The following SPPL3 variants were observed in gnomAD, a reference collection of about 807,000 sequenced individuals.
The protein encoded by SPPL3 is signal peptide peptidase-like 3.
In SPPL3, 5 loss-of-function variants were observed where a neutral mutation model predicts 42.4. The observed-to-expected ratio is 0.12, with a 90% CI of 0.06 to 0.25. The LOEUF (loss-of-function observed/expected upper bound fraction) is 0.25, where lower values mean the gene tolerates loss of function less well. Ranked by LOEUF, SPPL3 falls within the 10% of genes least tolerant of loss-of-function variation. The pLI, the probability that SPPL3 is intolerant of heterozygous loss-of-function variation, is 1.00. For synonymous variants in SPPL3, 195 were observed against 181.8 expected, an observed-to-expected ratio of 1.07 and a Z score of -0.58; for missense variants, 235 against 489.0, an observed-to-expected ratio of 0.48 and a Z score of 4.90.
intron 9 of SPPL3, 80 bp from the exon 10 acceptor site, chr12:120,766,452 T>C (rs947736827): frequency 2.7e-6 from 3 of 1,126,958 alleles, no homozygotes; most frequent in Non-Finnish European, 1.3e-6. Context: ...GTCCTGCAAC[T>C]GTACAGATCT....
At chr12:120,802,429 A>ATTTT (rs1386437409) in intron 2 of SPPL3, among the ~76,000 whole-genome samples, 1 of 106,738 alleles carries the variant, frequency 9.4e-6, no homozygotes, top group African/African-American at 6.4e-5. Flanking sequence ...ATATATATAT[A>ATTTT]TATTTTTTTT....
chr12:120,807,350 C>T (rs1005784625), intron 2 of SPPL3, among the ~76,000 whole-genome samples: 2 of 151,590 alleles, frequency 1.3e-5, no homozygotes, highest in African/African-American at 2.4e-5. Context: ...TATATTTTAC[C>T]ACAATAAAAA....
intron 6 of SPPL3, among the ~76,000 whole-genome samples, chr12:120,775,764 C>G (rs1423367928): frequency 6.6e-6 from 1 of 152,160 alleles, no homozygotes; most frequent in Non-Finnish European, 1.5e-5. Flanking sequence ...TAAAACAGCC[C>G]TAGACTTCAG....
intron 1 of SPPL3, among the ~76,000 whole-genome samples, chr12:120,838,490 T>C (rs1871695814): frequency 6.6e-6 from 1 of 152,198 alleles, no homozygotes; most frequent in African/African-American, 2.4e-5. Context: ...TTAAGCCTCC[T>C]GGGAACGCTG....
intron 1 of SPPL3, among the ~76,000 whole-genome samples, chr12:120,832,440 G>A (rs1871455739): frequency 6.6e-6 from 1 of 152,162 alleles, no homozygotes; most frequent in Non-Finnish European, 1.5e-5. Context: ...GGGAGGCCAA[G>A]GTGGGCGGAT....
intron 1 of SPPL3, among the ~76,000 whole-genome samples, chr12:120,841,472 C>T (rs543077312): frequency 5.8e-4 from 89 of 152,184 alleles, no homozygotes; most frequent in Non-Finnish European, 9.4e-4. Context: ...GTCTCCCCAT[C>T]TCAACTCAGT....
chr12:120,885,457 T>C (rs995821404), intron 1 of SPPL3, among the ~76,000 whole-genome samples: 3 of 152,318 alleles, frequency 2.0e-5, no homozygotes, highest in East Asian at 1.9e-4. Context: ...GTTGTTCTCT[T>C]GGTCAGAATA....
chr12:120,813,416 C>T (rs1870754498), intron 1 of SPPL3, among the ~76,000 whole-genome samples: 1 of 150,468 alleles, frequency 6.6e-6, no homozygotes, highest in Middle Eastern at 3.2e-3. Context: ...CTCCTAGGTT[C>T]AAGCAATTTT....
intron 6 of SPPL3, among the ~76,000 whole-genome samples, chr12:120,781,554 C>CTTTT (rs1869539833): frequency 1.4e-5 from 1 of 69,162 alleles, no homozygotes; most frequent in Non-Finnish European, 2.7e-5. Flanking sequence ...CTTATTGTTA[C>CTTTT]GTTTTTTTTT....
intron 1 of SPPL3, among the ~76,000 whole-genome samples, chr12:120,841,524 T>C (rs958866932): frequency 5.9e-5 from 9 of 152,300 alleles, no homozygotes; most frequent in Middle Eastern, 3.4e-3. Context: ...TATGGAAGTA[T>C]GATAAACGAA....
intron 1 of SPPL3, among the ~76,000 whole-genome samples, chr12:120,852,765 T>TTTC: frequency 1.3e-5 from 1 of 76,888 alleles, no homozygotes; most frequent in Admixed American, 1.9e-4. Context: ...TATATCTATG[T>TTTC]ATATTATATA....
intron 2 of SPPL3, among the ~76,000 whole-genome samples, chr12:120,793,640 G>T (rs1185089176): frequency 6.6e-6 from 1 of 152,178 alleles, no homozygotes. Context: ...AGACACTTTG[G>T]AAAACAGAAT....
intron 2 of SPPL3, among the ~76,000 whole-genome samples, chr12:120,797,975 G>A (rs2136991378): frequency 6.6e-6 from 1 of 152,250 alleles, no homozygotes; most frequent in Middle Eastern, 3.4e-3. Flanking sequence ...GCCTCAATTA[G>A]AATGGGGGGT....
At chr12:120,793,172 A>G (rs1869977944) in intron 2 of SPPL3, among the ~76,000 whole-genome samples, 1 of 152,236 alleles carries the variant, frequency 6.6e-6, no homozygotes, top group African/African-American at 2.4e-5. Flanking sequence ...AGCCCATGAA[A>G]AGATGTTCAA....
intron 1 of SPPL3, among the ~76,000 whole-genome samples, chr12:120,880,397 CAAA>C (rs1369383650): frequency 1.3e-5 from 2 of 152,014 alleles, no homozygotes; most frequent in East Asian, 3.8e-4. Flanking sequence ...GAACACACAA[CAAA>C]AGACAGAAAA....
intron 1 of SPPL3, among the ~76,000 whole-genome samples, chr12:120,851,704 G>A (rs1332028057): frequency 6.6e-6 from 1 of 152,104 alleles, no homozygotes; most frequent in Non-Finnish European, 1.5e-5. Context: ...CCCCGGGTCA[G>A]GTGATACTCC....
chr12:120,777,041 G>A (rs144735065), intron 6 of SPPL3, among the ~76,000 whole-genome samples: 58 of 152,154 alleles, frequency 3.8e-4, no homozygotes, highest in Middle Eastern at 6.8e-3. Context: ...TCATTATGGG[G>A]GTGGCCTCTC....
At chr12:120,794,500 C>T (rs547145365) in intron 2 of SPPL3, among the ~76,000 whole-genome samples, 2 of 152,202 alleles carry the variant, frequency 1.3e-5, no homozygotes, top group African/African-American at 4.8e-5. Context: ...CAGGTTCAAG[C>T]AATTCTCCTG....
intron 1 of SPPL3, among the ~76,000 whole-genome samples, chr12:120,817,200 TAGG>T (rs1195463347): frequency 6.6e-6 from 1 of 151,834 alleles, no homozygotes; most frequent in South Asian, 2.1e-4. Context: ...GAGGCTGAGG[TAGG>T]AGGATCCTTT....
Sources: allele counts gnomAD v4.1 joint callset (sites outside exome capture counted in the v4.1 genomes callset), GRCh38; gene constraint gnomAD v4.1.1; transcripts MANE v1.5; gene names NCBI Gene and HGNC (gene_info 2026-07-23, HGNC 2026-07-21).